The following SHOC1 variants were observed in gnomAD, a reference collection of about 807,000 sequenced individuals.
The protein encoded by SHOC1 is protein shortage in chiasmata 1 ortholog.
A neutral mutation model predicts 179.2 loss-of-function variants in SHOC1; 136 were observed. The observed-to-expected ratio is 0.76, with a 90% CI of 0.66 to 0.87. The LOEUF is 0.87. Among genes scored for constraint, SHOC1 ranks in the 40% least tolerant of loss-of-function variants. The pLI, the probability that SHOC1 is intolerant of heterozygous loss-of-function variation, is 0.00. For missense variants in SHOC1, 1,538 were observed against 1,700.8 expected (o/e 0.90, Z 1.68); for synonymous variants, 489 against 586.6 (o/e 0.83, Z 2.41).
At chr9:111,698,117 A>G (rs1006143009) in intron 24 of SHOC1, among the ~76,000 whole-genome samples, 1 of 152,180 alleles carries the variant, frequency 6.6e-6, no homozygotes, top group African/African-American at 2.4e-5. Context: ...GTAGATTGTA[A>G]AAATGTTCTC....
intron 5 of SHOC1, chr9:111,759,106 A>G: frequency 6.5e-7 from 1 of 1,542,046 alleles, no homozygotes; most frequent in Non-Finnish European, 8.8e-7. Flanking sequence ...AACGGCTAAT[A>G]CTTTATCAAT....
At chr9:111,780,176 T>C (rs1564167771) in intron 4 of SHOC1, among the ~76,000 whole-genome samples, 1 of 152,228 alleles carries the variant, frequency 6.6e-6, no homozygotes, top group Admixed American at 6.5e-5. Flanking sequence ...GGCTTCACTG[T>C]ATCCAGAGTC....
rs2131316609 is a variant in SHOC1, at chr9:111,693,887, T to C, written c.3377A>G (p.Asn1126Ser). The change falls in exon 26 of 28, where the codon AAT becomes AGT. Residue 1126 changes from asparagine (N) to serine (S), a missense_variant. Transcript: ENST00000682961. The part of the protein sequence containing the change: ...INPLVAQLML[N>S]KGPSLHWILL... Reference sequence around the variant, plus strand: ...TATCCAATGCAGTGAAGGTCCTTTATTTAGCATGAGCTGAGCCACCAATGG... The same window carrying C: ...TATCCAATGCAGTGAAGGTCCTTTACTTAGCATGAGCTGAGCCACCAATGG... 3.7e-6 allele frequency: 6 copies of C among 1,611,884 alleles called. No homozygotes were observed. The highest frequency in any genetic ancestry group is 5.1e-6 in the Non-Finnish European group (6 of 1,178,120).
At chr9:111,774,361 C>T (rs1212992152) in intron 5 of SHOC1, among the ~76,000 whole-genome samples, 2 of 152,174 alleles carry the variant, frequency 1.3e-5, no homozygotes, top group African/African-American at 2.4e-5. Flanking sequence ...TGCAGTGGCA[C>T]GATCATGGCT....
chr9:111,770,223 T>G (rs532369958), intron 5 of SHOC1, among the ~76,000 whole-genome samples: 6 of 152,102 alleles, frequency 3.9e-5, no homozygotes, highest in Non-Finnish European at 5.9e-5. Flanking sequence ...ATGTTTTATT[T>G]CCATTTTCAT....
intron 2 of SHOC1, among the ~76,000 whole-genome samples, chr9:111,789,929 G>A (rs1371159646): frequency 6.6e-6 from 1 of 152,102 alleles, no homozygotes; most frequent in South Asian, 2.1e-4. Flanking sequence ...CTTATTTCCT[G>A]TAAAATGTAG....
intron 27 of SHOC1, among the ~76,000 whole-genome samples, chr9:111,689,133 C>T (rs1000233201): frequency 2.6e-5 from 4 of 151,878 alleles, no homozygotes; most frequent in Admixed American, 6.6e-5. Flanking sequence ...CACCTGTAAT[C>T]CCAGCACTTT....
chr9:111,748,585 C>G (rs922043017), intron 8 of SHOC1, among the ~76,000 whole-genome samples: 1 of 152,166 alleles, frequency 6.6e-6, no homozygotes, highest in Non-Finnish European at 1.5e-5. Context: ...AGCTGGAACT[C>G]TACTTGTCTA....
Position 111,686,881 on chromosome 9 carries a change from G to C in SHOC1, c.4427-11C>G. Reference sequence around the variant, plus strand: ...GTGAGCACATAAAACCTGTTAAAAGGAGAAAAAGGAAAACCATTTTATTGC... The same window carrying C: ...GTGAGCACATAAAACCTGTTAAAAGCAGAAAAAGGAAAACCATTTTATTGC... On this transcript the variant is annotated splice_polypyrimidine_tract_variant and intron_variant, in intron 27 of 27. Coordinates refer to ENST00000682961, the MANE Select transcript of SHOC1 (RefSeq NM_001378211.1). The C allele has an allele frequency of 6.4e-7, 1 of 1,559,020 alleles. No homozygotes were observed. Among genetic ancestry groups the C allele is most frequent in the Non-Finnish European group, 8.8e-7 (1 of 1,134,256 alleles).
At chr9:111,761,371 G>A (rs1272501237) in intron 5 of SHOC1, among the ~76,000 whole-genome samples, 5 of 151,940 alleles carry the variant, frequency 3.3e-5, no homozygotes, top group Non-Finnish European at 5.9e-5. Context: ...GCTTGGTGGT[G>A]GGGACCTGTA....
chr9:111,727,845 A>G lies in SHOC1; in HGVS notation c.1622T>C (p.Ile541Thr). 6.2e-7 allele frequency: 1 copy of G among 1,612,250 alleles called. No homozygotes were observed. The highest frequency in any genetic ancestry group is 1.3e-5 in the African/African-American group (1 of 74,848). Residue 541 changes from isoleucine (I) to threonine (T), a missense_variant, in exon 13 of 28, where the codon ATC becomes ACC. Ile to Thr is a moderately conservative substitution (Grantham distance 89). Transcript: ENST00000682961. Reference sequence around the variant, plus strand: ...GTGATCGTTATTTTCTTTCTTTTGGATTATTCTGTTTACTGGTTCTTGGTC... The same window carrying G: ...GTGATCGTTATTTTCTTTCTTTTGGGTTATTCTGTTTACTGGTTCTTGGTC... ...KNDQEPVNRI[I>T]QKKENNDHFE...
At position 111,780,193 on chromosome 9, in the gene SHOC1, C is replaced by T. The variant is rs148551542; in HGVS notation, c.257+737G>A. Among the ~76,000 whole-genome samples, 29 of 152,242 alleles carry T rather than the reference C, an allele frequency of 1.9e-4. 1 individual carries two copies. In the East Asian group the frequency reaches 5.4e-3, roughly 28 times the overall value. ...CTTCACTGTATCCAGAGTCTAGACACCTTTCAATGTTTTTTTGTTTCTTTT... is the reference window on the plus strand; with the variant it reads ...CTTCACTGTATCCAGAGTCTAGACATCTTTCAATGTTTTTTTGTTTCTTTT... On this transcript the variant is annotated intron_variant, in intron 4 of 27. Coordinates refer to ENST00000682961, the MANE Select transcript of SHOC1 (RefSeq NM_001378211.1).
chr9:111,703,844 G>A (rs376659846), intron 22 of SHOC1, 37 bp downstream of exon 22: 4 of 982,692 alleles, frequency 4.1e-6, no homozygotes, highest in Non-Finnish European at 6.3e-6. Context: ...ATATATTTTA[G>A]TCTATTTTAG....
In SHOC1 at chr9:111,705,338, C is replaced by A. The variant is rs1027915673; in HGVS notation, c.2764G>T (p.Gly922Cys). The A allele has an allele frequency of 1.2e-5, 19 of 1,572,370 alleles. No individual in the cohort carries two copies. The highest frequency in any genetic ancestry group is 1.5e-5 in the Non-Finnish European group (17 of 1,159,250). ...GGAATCTGAATTTCCAAAAGAAAAC[C>A]TCCAAATCTATCCAGCAAGGTGCTT... ...ERSTLLDRFG[G>C]FLLEIQIPYV... Residue 922 changes from glycine (G) to cysteine (C), a missense_variant, in exon 21 of 28, where the codon GGT (glycine) becomes TGT (cysteine). Physicochemically the swap from Gly to Cys is radical, Grantham distance 159. Transcript: ENST00000682961.
chr9:111,736,910 C>A (rs1326126031), intron 12 of SHOC1, among the ~76,000 whole-genome samples: 4 of 152,068 alleles, frequency 2.6e-5, no homozygotes, highest in African/African-American at 9.7e-5. Flanking sequence ...AAGACATGAA[C>A]AGACACTTCT....
chr9:111,758,700 A>C lies in SHOC1; in HGVS notation c.591T>G (p.Phe197Leu). ...TTGGTCAATTAAGTAAGTACCTGGA[A>C]AAATTAGCTTCTGTGAAGATCTGTC... ...FKGQIFTEANFSRECFSLQET... is the reference protein window; with the variant it reads ...FKGQIFTEANLSRECFSLQET... The change falls in exon 6 of 28, where the codon TTT (phenylalanine) becomes TTG (leucine). Residue 197 changes from phenylalanine to leucine, a missense_variant. Transcript: ENST00000682961. 6.4e-7 allele frequency: 1 copy of C among 1,574,010 alleles called. No homozygotes were observed. Among genetic ancestry groups the C allele is most frequent in the Non-Finnish European group, 8.6e-7 (1 of 1,168,404 alleles).
chr9:111,788,935 C>T (rs923516831), intron 2 of SHOC1, among the ~76,000 whole-genome samples: 1 of 151,950 alleles, frequency 6.6e-6, no homozygotes, highest in Non-Finnish European at 1.5e-5. Context: ...CCTCCCTTAA[C>T]GTTCAGTGGT....
chr9:111,780,687 C>A (rs2131631496), intron 4 of SHOC1, among the ~76,000 whole-genome samples: 1 of 152,156 alleles, frequency 6.6e-6, no homozygotes, highest in Non-Finnish European at 1.5e-5. Flanking sequence ...CTTTTTATAG[C>A]TACTTTCTAC....
In SHOC1 at chr9:111,692,253, A is replaced by C; in HGVS notation, c.3724T>G (p.Phe1242Val). 6.2e-7 allele frequency: 1 copy of C among 1,613,796 alleles called. No individual in the cohort carries two copies. Among genetic ancestry groups the C allele is most frequent in the Non-Finnish European group, 8.5e-7 (1 of 1,179,766 alleles). Residue 1242 changes from phenylalanine to valine, a missense_variant, in exon 27 of 28, where the codon TTT (phenylalanine) becomes GTT (valine). Physicochemically the swap from Phe to Val is conservative, Grantham distance 50. Transcript: ENST00000682961. ...TTGTATGAAGTCACAGGTGGTAAAA[A>C]ACTTGAGATTTCTTTTAGTTCCATA... ...SIMELKEISS[F>V]LPPVTSYNQT...
Sources: allele counts gnomAD v4.1 joint callset (sites outside exome capture counted in the v4.1 genomes callset), GRCh38; gene constraint gnomAD v4.1.1; transcripts MANE v1.5; gene names NCBI Gene and HGNC (gene_info 2026-07-23, HGNC 2026-07-21).